The following MBOAT2 variants were observed in gnomAD, a reference collection of about 807,000 sequenced individuals.
MBOAT2 encodes the protein membrane-bound glycerophospholipid O-acyltransferase 2.
A neutral mutation model predicts 63.4 loss-of-function variants in MBOAT2; 28 were observed. That is an observed-to-expected ratio of 0.44 (90% CI 0.33 to 0.61). The LOEUF (loss-of-function observed/expected upper bound fraction) is 0.61. Ranked by LOEUF, MBOAT2 falls within the 20% of genes least tolerant of loss-of-function variation. The pLI, the probability that MBOAT2 is intolerant of heterozygous loss-of-function variation, is 0.03. For missense variants in MBOAT2, 470 were observed against 605.8 expected (o/e 0.78, Z 2.35); for synonymous variants, 211 against 215.6 (o/e 0.98, Z 0.19).
chr2:8,973,964 T>C (rs952070752), intron 1 of MBOAT2, among the ~76,000 whole-genome samples: 7 of 152,032 alleles, frequency 4.6e-5, no homozygotes, highest in African/African-American at 1.7e-4. Flanking sequence ...AGTGATAATA[T>C]CAAAATTGGA....
intron 3 of MBOAT2, among the ~76,000 whole-genome samples, chr2:8,916,259 T>A (rs1399692147): frequency 2.6e-5 from 4 of 152,206 alleles, no homozygotes; most frequent in African/African-American, 9.7e-5. Context: ...TAACTTTCTC[T>A]GCTGTTTACA....
chr2:8,882,608 CA>C, intron 5 of MBOAT2, 43 bp from the exon 6 acceptor site: 1 of 1,595,288 alleles, frequency 6.3e-7, no homozygotes, highest in Non-Finnish European at 8.6e-7. Context: ...GATTTCTCCC[CA>C]AAATGGCATT....
chr2:8,956,375 GA>G (rs1265951547), intron 2 of MBOAT2, among the ~76,000 whole-genome samples: 1 of 151,968 alleles, frequency 6.6e-6, no homozygotes, highest in Non-Finnish European at 1.5e-5. Flanking sequence ...TCTCCTTTAA[GA>G]AAAAAATAGA....
intron 4 of MBOAT2, among the ~76,000 whole-genome samples, chr2:8,902,982 T>C (rs1263287606): frequency 6.6e-6 from 1 of 152,190 alleles, no homozygotes; most frequent in Non-Finnish European, 1.5e-5. Context: ...AGAGTGCTGA[T>C]TGGTCCGTTT....
At chr2:8,950,228 T>C (rs1338819093) in intron 2 of MBOAT2, among the ~76,000 whole-genome samples, 1 of 152,208 alleles carries the variant, frequency 6.6e-6, no homozygotes, top group East Asian at 1.9e-4. Context: ...GAGGAGTCTT[T>C]AGGGTTTTCT....
chr2:8,870,752 C>T (rs187092109), intron 8 of MBOAT2, among the ~76,000 whole-genome samples: 37 of 152,274 alleles, frequency 2.4e-4, no homozygotes, highest in African/African-American at 8.9e-4. Flanking sequence ...TATTGCCTTA[C>T]AGCTAAAAAT....
chr2:8,923,785 A>C (rs887965481), intron 3 of MBOAT2, among the ~76,000 whole-genome samples: 3 of 152,056 alleles, frequency 2.0e-5, no homozygotes, highest in African/African-American at 7.3e-5. Context: ...ACATTTCTCA[A>C]ATTGTTGCTT....
chr2:8,948,467 A>AC (rs1353934077), intron 2 of MBOAT2, among the ~76,000 whole-genome samples: 2 of 152,170 alleles, frequency 1.3e-5, no homozygotes, highest in Non-Finnish European at 2.9e-5. Context: ...CCCAACAGTT[A>AC]GTTTTTCAAC....
chr2:8,946,231 G>C (rs1668406051), intron 2 of MBOAT2, among the ~76,000 whole-genome samples: 1 of 152,174 alleles, frequency 6.6e-6, no homozygotes, highest in Non-Finnish European at 1.5e-5. Flanking sequence ...GAAGCTCAGA[G>C]TGGCTAAATA....
At chr2:8,888,391 G>A (rs532319749) in intron 4 of MBOAT2, among the ~76,000 whole-genome samples, 14 of 152,230 alleles carry the variant, frequency 9.2e-5, no homozygotes, top group Admixed American at 4.6e-4. Context: ...AACAAGGCCC[G>A]GAGGTAAGAA....
chr2:8,920,826 A>C (rs1666513698), intron 3 of MBOAT2, among the ~76,000 whole-genome samples: 1 of 152,190 alleles, frequency 6.6e-6, no homozygotes, highest in Admixed American at 6.5e-5. Context: ...CTCAATTTGT[A>C]GTATATAGAA....
chr2:8,903,079 A>G (rs1665079754), intron 4 of MBOAT2, among the ~76,000 whole-genome samples: 1 of 152,208 alleles, frequency 6.6e-6, no homozygotes, highest in African/African-American at 2.4e-5. Context: ...GCTAGACACA[A>G]AAGTTCTCCA....
intron 3 of MBOAT2, among the ~76,000 whole-genome samples, chr2:8,928,469 C>G (rs1053472311): frequency 4.6e-5 from 7 of 152,150 alleles, no homozygotes; most frequent in African/African-American, 1.4e-4. Context: ...TGAATGAATT[C>G]TAGAGCAGCT....
chr2:8,957,251 C>T (rs147808968), intron 2 of MBOAT2, among the ~76,000 whole-genome samples: 1 of 152,300 alleles, frequency 6.6e-6, no homozygotes, highest in East Asian at 1.9e-4. Flanking sequence ...AAAATATACA[C>T]TACTCCATGG....
In MBOAT2 at chr2:8,927,307, G is replaced by A. The variant is rs115261054; in HGVS notation, c.299+15880C>T. Among the ~76,000 whole-genome samples the A allele has an allele frequency of 3.4e-3, 517 of 152,236 alleles. 1 individual carries two copies. The highest frequency in any genetic ancestry group is 0.012 in the African/African-American group (480 of 41,528). On this transcript the variant is annotated intron_variant, in intron 3 of 12. Coordinates refer to ENST00000305997, the MANE Select transcript of MBOAT2 (RefSeq NM_138799.4). ...TATATCATTAAGGATTATCTCCCAA[G>A]AATTATCTTCATTTTAAAACTTTTC...
chr2:9,000,872 T>G (rs961593175), intron 1 of MBOAT2, among the ~76,000 whole-genome samples: 1 of 152,270 alleles, frequency 6.6e-6, no homozygotes, highest in African/African-American at 2.4e-5. Context: ...TTATTAAGTT[T>G]TTAATTCTTT....
chr2:8,856,312 A>ACACACAC lies in MBOAT2; in HGVS notation c.*2366_*2367insGTGTGTG, dbSNP rs1553346385. 7 of 143,738 alleles carry ACACACAC rather than the reference A, an allele frequency of 4.9e-5. No individual in the cohort carries two copies. Among genetic ancestry groups the ACACACAC allele is most frequent in the African/African-American group, 1.4e-4 (5 of 36,804 alleles). 8.9% of individuals were successfully genotyped at this position (143,738 alleles called of 1,614,324 possible). A position where few individuals can be genotyped will look rare whatever the true frequency, so the allele number is the denominator to read the frequency against. On this transcript the variant is annotated 3_prime_UTR_variant, in exon 13 of 13. Transcript: ENST00000305997. This position sits in a 1 kb window ranked among gnomAD's most constrained non-coding sequence, Gnocchi z 4.2. ...GGCTAGATAGGCTGAACCAAAAAAA[A>ACACACAC]ACACACACACACACACACACACACA...
chr2:8,893,530 A>ACCC (rs1664176870), intron 4 of MBOAT2, among the ~76,000 whole-genome samples: 1 of 152,226 alleles, frequency 6.6e-6, no homozygotes, highest in Non-Finnish European at 1.5e-5. Context: ...GCAGATGTTT[A>ACCC]ATAGGAGCTG....
At chr2:8,900,661 T>C (rs1664854409) in intron 4 of MBOAT2, among the ~76,000 whole-genome samples, 1 of 152,108 alleles carries the variant, frequency 6.6e-6, no homozygotes, top group Admixed American at 6.5e-5. Context: ...AAAGGGGAGC[T>C]ATAGGGAGGC....
Sources: gnomAD v4.1 joint callset for allele counts (sites outside exome capture counted in the v4.1 genomes callset) on GRCh38, gnomAD v4.1.1 for gene constraint, Gnocchi (gnomAD v3.1) non-coding constraint, MANE v1.5 for transcripts, NCBI Gene and HGNC (gene_info 2026-07-23, HGNC 2026-07-21) for gene names.